Variants in TBC1D5 observed in about 807,000 individuals in gnomAD.
The protein encoded by TBC1D5 is TBC1 domain family member 5.
A neutral mutation model predicts 100.3 loss-of-function variants in TBC1D5; 75 were observed. The observed-to-expected ratio is 0.75, with a 90% CI of 0.62 to 0.91. The LOEUF is 0.91. Ranked by LOEUF, TBC1D5 falls within the 40% of genes least tolerant of loss-of-function variation. The pLI is 0.00. For synonymous variants in TBC1D5, 323 were observed against 325.6 expected (o/e 0.99, Z 0.09); for missense variants, 910 against 942.4 (o/e 0.97, Z 0.45).
At chr3:17,607,742 C>A (rs569052809) in intron 2 of TBC1D5, among the ~76,000 whole-genome samples, 1 of 151,942 alleles carries the variant, frequency 6.6e-6, no homozygotes, top group African/African-American at 2.4e-5. Context: ...AGAAAAATAA[C>A]TGCTCACTTG....
At chr3:17,726,753 C>G (rs2076160444) in intron 1 of TBC1D5, among the ~76,000 whole-genome samples, 1 of 152,212 alleles carries the variant, frequency 6.6e-6, no homozygotes, top group Non-Finnish European at 1.5e-5. Context: ...TCCTGCTCTT[C>G]TAGTTGTTTT....
chr3:17,274,500 A>G (rs1241510246), intron 15 of TBC1D5, among the ~76,000 whole-genome samples: 1 of 152,244 alleles, frequency 6.6e-6, no homozygotes, highest in Non-Finnish European at 1.5e-5. Context: ...AATACATAAT[A>G]GAAATGTTCA....
chr3:17,291,240 T>A (rs1406900426), intron 15 of TBC1D5, among the ~76,000 whole-genome samples: 1 of 152,232 alleles, frequency 6.6e-6, no homozygotes, highest in Non-Finnish European at 1.5e-5. Flanking sequence ...GATTCACAGA[T>A]TTTTTTAGAT....
rs558714286 is a variant in TBC1D5 at position 17,437,031 on chromosome 3, A to G, written c.98-8512T>C. 1.0e-4 allele frequency among the ~76,000 whole-genome samples: 15 copies of G among 149,110 alleles called. No homozygotes were observed. The South Asian group carries it at 1.7e-3, about 17-fold the overall frequency. On this transcript the variant is annotated intron_variant, in intron 3 of 21. Transcript: ENST00000253692. ...AGATGGGGCCTAGTGGGAGGTGTTT[A>G]GGTCAGGAGAGCTCTACACTTATGA... is the stretch of plus-strand genomic sequence containing the variant.
chr3:17,636,183 T>C (rs1196046361), intron 1 of TBC1D5, among the ~76,000 whole-genome samples: 1 of 151,698 alleles, frequency 6.6e-6, no homozygotes, highest in Non-Finnish European at 1.5e-5. Context: ...CGAAACTCCA[T>C]ATCAAGAAAA....
At chr3:17,169,150 T>C (rs2066928057) in intron 19 of TBC1D5, among the ~76,000 whole-genome samples, 1 of 152,228 alleles carries the variant, frequency 6.6e-6, no homozygotes, top group African/African-American at 2.4e-5. Flanking sequence ...TAAGCACTTA[T>C]CATTGTTTGA....
intron 19 of TBC1D5, among the ~76,000 whole-genome samples, chr3:17,172,992 G>A (rs1206653498): frequency 6.6e-6 from 1 of 152,104 alleles, no homozygotes; most frequent in Non-Finnish European, 1.5e-5. Context: ...CTCCTCATAG[G>A]ATGGCTGTGA....
intron 8 of TBC1D5, among the ~76,000 whole-genome samples, chr3:17,391,117 T>G (rs2152320690): frequency 6.6e-6 from 1 of 152,238 alleles, no homozygotes; most frequent in Admixed American, 6.5e-5. Flanking sequence ...GGGAAGACCT[T>G]GAAAACTCCA....
intron 16 of TBC1D5, among the ~76,000 whole-genome samples, chr3:17,255,568 C>T (rs1466210219): frequency 6.6e-6 from 1 of 152,132 alleles, no homozygotes; most frequent in Non-Finnish European, 1.5e-5. Flanking sequence ...TTGCCAGTTA[C>T]ATCCACTACA....
chr3:17,423,329 C>A (rs1383172941), intron 4 of TBC1D5, among the ~76,000 whole-genome samples: 2 of 151,916 alleles, frequency 1.3e-5, no homozygotes, highest in Non-Finnish European at 2.9e-5. Context: ...TAAAAAAATA[C>A]ATAAGTTTAT....
At chr3:17,325,142 C>T (rs1027523214) in intron 13 of TBC1D5, among the ~76,000 whole-genome samples, 4 of 152,096 alleles carry the variant, frequency 2.6e-5, no homozygotes, top group South Asian at 2.1e-4. Flanking sequence ...TACACAAACA[C>T]CTGCATATGT....
chr3:17,452,139 G>A (rs1289362669), intron 3 of TBC1D5, among the ~76,000 whole-genome samples: 1 of 151,824 alleles, frequency 6.6e-6, no homozygotes, highest in Non-Finnish European at 1.5e-5. Context: ...CCCATGGTAA[G>A]CTCAAATTGA....
chr3:17,238,009 C>A (rs2075999500), intron 17 of TBC1D5, among the ~76,000 whole-genome samples, 154 bp downstream of exon 17: 1 of 152,030 alleles, frequency 6.6e-6, no homozygotes, highest in Admixed American at 6.6e-5. Flanking sequence ...TTAAGACCAA[C>A]ACGGTATCTA....
At chr3:17,262,806 G>A (rs959749133) in intron 15 of TBC1D5, among the ~76,000 whole-genome samples, 2 of 151,628 alleles carry the variant, frequency 1.3e-5, no homozygotes, top group Admixed American at 6.6e-5. Flanking sequence ...TTTTAAATGC[G>A]TTTGTTTTGG....
intron 3 of TBC1D5, among the ~76,000 whole-genome samples, chr3:17,457,063 A>G (rs376750413): frequency 8.6e-4 from 131 of 152,098 alleles, no homozygotes; most frequent in African/African-American, 2.7e-3. Context: ...TTTGTTTTCT[A>G]TTTTTTGCTA....
At chr3:17,158,379 T>G (rs2065766287) in exon 22 of TBC1D5, 1 of 152,160 alleles carries the variant, frequency 6.6e-6, no homozygotes, top group Non-Finnish European at 1.5e-5. Context: ...AAATGTACAA[T>G]TAAACATAAG....
intron 18 of TBC1D5, among the ~76,000 whole-genome samples, chr3:17,210,686 G>A (rs2072875102): frequency 6.6e-6 from 1 of 152,010 alleles, no homozygotes; most frequent in Admixed American, 6.5e-5. Context: ...TTTCTTGTGT[G>A]GGTCAGTCTA....
At chr3:17,389,927 T>C (rs548902201) in intron 8 of TBC1D5, among the ~76,000 whole-genome samples, 4 of 152,208 alleles carry the variant, frequency 2.6e-5, no homozygotes, top group African/African-American at 9.6e-5. Context: ...TATTTTTTCT[T>C]CCTTTATTAT....
chr3:17,685,889 G>T (rs926793303), intron 1 of TBC1D5, among the ~76,000 whole-genome samples: 5 of 152,076 alleles, frequency 3.3e-5, no homozygotes, highest in African/African-American at 1.2e-4. Flanking sequence ...AGAATAATAA[G>T]AAGAGCCTTA....
Sources: gnomAD v4.1 joint callset for allele counts (sites outside exome capture counted in the v4.1 genomes callset) on GRCh38, gnomAD v4.1.1 for gene constraint, MANE v1.5 for transcripts, NCBI Gene and HGNC (gene_info 2026-07-23, HGNC 2026-07-21) for gene names.